Variants in COL6A6 observed in about 807,000 individuals in gnomAD.
COL6A6 encodes the protein collagen type VI alpha 6 chain.
Under a neutral mutation model 208.6 loss-of-function variants are expected in COL6A6, and 183 were observed. The ratio of observed to expected loss-of-function variants is 0.88; its 90% confidence interval spans 0.78 to 0.99. The LOEUF is 0.99. Ranked by LOEUF, COL6A6 falls within the 50% of genes least tolerant of loss-of-function variation. The pLI is 0.00. For synonymous variants in COL6A6, 973 were observed against 1,011.8 expected (o/e 0.96, Z 0.73); for missense variants, 2,816 against 2,815.2 (o/e 1.00, Z -0.01).
chr3:130,580,478 T>C (rs2063393674), intron 8 of COL6A6, among the ~76,000 whole-genome samples: 1 of 152,228 alleles, frequency 6.6e-6, no homozygotes, highest in Non-Finnish European at 1.5e-5. Context: ...AAATTGATGA[T>C]TTTGGTTTTA....
In COL6A6 at chr3:130,592,562, C is replaced by T; in HGVS notation, c.4294C>T (p.Pro1432Ser). 1.2e-6 allele frequency: 2 copies of T among 1,608,996 alleles called. No individual in the cohort carries two copies. Among genetic ancestry groups the T allele is most frequent in the African/African-American group, 1.3e-5 (1 of 74,924 alleles). The change falls in exon 14 of 37, where the codon CCA (proline) becomes TCA (serine). Residue 1432 changes from proline (P) to serine (S), a missense_variant. Coordinates refer to ENST00000358511, the MANE Select transcript of COL6A6 (RefSeq NM_001102608.3). Reference protein sequence around the residue: ...GIAGERGAPGPVGEQGTKGCY... With the variant: ...GIAGERGAPGSVGEQGTKGCY... Reference sequence around the variant, plus strand: ...TCAGGGAGAAAGAGGAGCCCCTGGACCAGTGGGAGAGCAAGGTACTAAGGG... The same window carrying T: ...TCAGGGAGAAAGAGGAGCCCCTGGATCAGTGGGAGAGCAAGGTACTAAGGG...
Position 130,608,937 on chromosome 3 carries a change from A to G in COL6A6, c.4725A>G (p.Glu1575=). 2 of 1,613,452 alleles carry G rather than the reference A, an allele frequency of 1.2e-6. No individual in the cohort carries two copies. The highest frequency in any genetic ancestry group is 1.7e-6 in the Non-Finnish European group (2 of 1,179,578). ...GCATCCCAGGACCAGATGGACTTGA[A>G]GGCTCCCTGGGACTTAAGGGCCCTC... The part of the protein sequence containing the change: ...TAGIPGPDGL[E]GSLGLKGPQG... The change falls in exon 22 of 37, where the codon GAA becomes GAG. Residue 1575 remains glutamate, a synonymous_variant. Coordinates refer to ENST00000358511, the MANE Select transcript of COL6A6 (RefSeq NM_001102608.3).
intron 3 of COL6A6, 87 bp downstream of exon 3, chr3:130,563,751 C>A: frequency 1.1e-6 from 1 of 889,146 alleles, no homozygotes; most frequent in Non-Finnish European, 1.7e-6. Flanking sequence ...TATGAATATT[C>A]CTATCCCCAA....
chr3:130,643,135 G>A, intron 31 of COL6A6, 112 bp downstream of exon 31: 1 of 1,102,742 alleles, frequency 9.1e-7, no homozygotes. Flanking sequence ...AATTGGAGAT[G>A]TCACTGCATG....
chr3:130,609,952 C>CTTTT (rs1054764231), intron 22 of COL6A6, among the ~76,000 whole-genome samples: 103 of 116,274 alleles, frequency 8.9e-4, no homozygotes, highest in African/African-American at 1.5e-3. Context: ...GGAAAGCTCA[C>CTTTT]TTTTTTTTTT....
intron 1 of COL6A6, among the ~76,000 whole-genome samples, chr3:130,531,063 C>CAG (rs2062081258): frequency 9.1e-6 from 1 of 110,018 alleles, no homozygotes; most frequent in South Asian, 2.6e-4. Flanking sequence ...CACACACAGT[C>CAG]TCTCTCTCTC....
chr3:130,530,910 T>C lies in COL6A6; in HGVS notation c.-32+13513T>C, dbSNP rs77104768. On this transcript the variant is annotated intron_variant, in intron 1 of 36. Coordinates refer to ENST00000358511, the MANE Select transcript of COL6A6 (RefSeq NM_001102608.3). ...GGCAACATCAACTCCTGCTGGAATT[T>C]CCAACTTGTTGGCCTACTCCGCAAA... Among the ~76,000 whole-genome samples the C allele has an allele frequency of 2.1e-3, 314 of 152,198 alleles. 5 individuals carry two copies. The East Asian group carries it at 0.046, about 22-fold the overall frequency.
chr3:130,648,294 T>A (rs772690318), intron 32 of COL6A6, among the ~76,000 whole-genome samples: 1 of 152,258 alleles, frequency 6.6e-6, no homozygotes, highest in Non-Finnish European at 1.5e-5. Context: ...CTTTTAGTGA[T>A]GTATTTCTCA....
rs569040782 is a variant in COL6A6 at position 130,599,570 on chromosome 3, A to G, written c.4600-187A>G. Reference sequence around the variant, plus strand: ...CATGTCATTAGCATTTTTTCCTGCAATTCCTCATGACTTATATAGAAATGT... The same window carrying G: ...CATGTCATTAGCATTTTTTCCTGCAGTTCCTCATGACTTATATAGAAATGT... On this transcript the variant is annotated intron_variant, in intron 19 of 36. Coordinates refer to ENST00000358511, the MANE Select transcript of COL6A6 (RefSeq NM_001102608.3). Among the ~76,000 whole-genome samples the G allele has an allele frequency of 1.6e-4, 25 of 152,294 alleles. No homozygotes were observed. In the East Asian group the frequency reaches 4.8e-3, roughly 29 times the overall value.
chr3:130,553,844 GTGTTTTTTTT>G (rs1041480796), intron 1 of COL6A6, among the ~76,000 whole-genome samples: 48 of 89,252 alleles, frequency 5.4e-4, no homozygotes, highest in Admixed American at 2.1e-3. Context: ...GGTTTTTTTT[GTGTTTTTTTT>G]TGTTTTGTTT....
chr3:130,563,426 T>C lies in COL6A6; in HGVS notation c.423T>C (p.Ser141=). The C allele has an allele frequency of 6.2e-7, 1 of 1,613,994 alleles. No individual in the cohort carries two copies. Among genetic ancestry groups the C allele is most frequent in the South Asian group, 1.1e-5 (1 of 91,076 alleles). ...FPPILVVLAS[S]ESEDNVEEAS... The stretch of plus-strand genomic sequence containing the variant: ...CAATTCTAGTGGTCCTGGCTTCATC[T>C]GAGTCTGAGGATAATGTGGAAGAGG... Residue 141 remains serine, a synonymous_variant, in exon 3 of 37, where the codon TCT becomes TCC. Coordinates refer to ENST00000358511, the MANE Select transcript of COL6A6 (RefSeq NM_001102608.3).
At chr3:130,642,051 G>A (rs967040459) in intron 29 of COL6A6, among the ~76,000 whole-genome samples, 4 of 152,164 alleles carry the variant, frequency 2.6e-5, no homozygotes, top group African/African-American at 9.7e-5. Flanking sequence ...GAAATAAATA[G>A]TGACTGTGAT....
chr3:130,642,690 C>G (rs774957741), intron 29 of COL6A6, 142 bp from the exon 30 acceptor site: 1 of 664,578 alleles, frequency 1.5e-6, no homozygotes, highest in African/African-American at 1.8e-5. Flanking sequence ...TGAGTACCTA[C>G]CTGCATTCTT....
intron 23 of COL6A6, 94 bp from the exon 24 acceptor site, chr3:130,621,727 C>T (rs544943682): frequency 6.1e-5 from 62 of 1,024,724 alleles, no homozygotes; most frequent in Middle Eastern, 2.1e-4. Flanking sequence ...ACTCTTCTCT[C>T]GTCTGTGGTT....
intron 25 of COL6A6, among the ~76,000 whole-genome samples, chr3:130,626,767 G>A (rs1407806686): frequency 6.6e-6 from 1 of 152,134 alleles, no homozygotes. Context: ...GAATGCTTTT[G>A]AAGCCAAATA....
chr3:130,565,741 T>C, intron 4 of COL6A6, 127 bp downstream of exon 4: 1 of 1,168,942 alleles, frequency 8.6e-7, no homozygotes, highest in Non-Finnish European at 1.2e-6. Flanking sequence ...ATTCTTTTAC[T>C]TGAGCTTGAA....
chr3:130,522,732 T>C (rs970116213), intron 1 of COL6A6, among the ~76,000 whole-genome samples: 34 of 152,132 alleles, frequency 2.2e-4, no homozygotes, highest in Non-Finnish European at 5.9e-5. Context: ...TCAGAAAACT[T>C]TGAAGTAGCC....
Position 130,661,663 on chromosome 3 carries a change from G to T in COL6A6, c.5857G>T (p.Asp1953Tyr), listed in dbSNP as rs1469082523. The stretch of plus-strand genomic sequence containing the variant: ...TGTGTGCAAGCCAGATGCTTCTTGT[G>T]ACCAAGCCAGACCACCCCCTGTGCA... ...YDVCKPDASC[D>Y]QARPPPVQSY... is the part of the protein sequence containing the mutation. The change falls in exon 35 of 37, where the codon GAC (aspartate) becomes TAC (tyrosine). Residue 1953 changes from aspartate (D) to tyrosine (Y), a missense_variant. Asp to Tyr is a radical substitution (Grantham distance 160). Transcript: ENST00000358511. 6.2e-7 allele frequency: 1 copy of T among 1,613,248 alleles called. No homozygotes were observed. The highest frequency in any genetic ancestry group is 2.2e-5 in the East Asian group (1 of 44,874).
chr3:130,645,086 G>C, intron 32 of COL6A6, 84 bp downstream of exon 32: 1 of 1,322,992 alleles, frequency 7.6e-7, no homozygotes, highest in South Asian at 1.2e-5. Context: ...CAATGTATTG[G>C]CTTCCAAATG....
Sources: gnomAD v4.1 joint callset for allele counts (sites outside exome capture counted in the v4.1 genomes callset) on GRCh38, gnomAD v4.1.1 for gene constraint, MANE v1.5 for transcripts, NCBI Gene and HGNC (gene_info 2026-07-23, HGNC 2026-07-21) for gene names.